The following NPC1L1 variants were observed in gnomAD, a reference collection of about 807,000 sequenced individuals.
NPC1L1 encodes NPC1-like intracellular cholesterol transporter 1.
Under a neutral mutation model 117.0 loss-of-function variants are expected in NPC1L1, and 98 were observed. That is an observed-to-expected ratio of 0.84 (90% confidence interval 0.71 to 0.99). The LOEUF (loss-of-function observed/expected upper bound fraction) is 0.99, where lower values mean the gene tolerates loss of function less well. NPC1L1 is among the 50% of genes least tolerant of loss of function. The pLI, the probability that NPC1L1 is intolerant of heterozygous loss-of-function variation, is 0.00. For synonymous variants in NPC1L1, 729 were observed against 727.6 expected, an observed-to-expected ratio of 1.00 and a Z score of -0.03; for missense variants, 1,540 against 1,710.0, an observed-to-expected ratio of 0.90 and a Z score of 1.75.
chr7:44,513,966 C>T (rs781657700), intron 18 of NPC1L1, among the ~76,000 whole-genome samples: 1 of 152,184 alleles, frequency 6.6e-6, no homozygotes, highest in Non-Finnish European at 1.5e-5. Context: ...CCCCAGCGCA[C>T]ACACTCTACT....
At chr7:44,519,174 G>A (rs992645265) in intron 14 of NPC1L1, among the ~76,000 whole-genome samples, 1 of 152,028 alleles carries the variant, frequency 6.6e-6, no homozygotes, top group Non-Finnish European at 1.5e-5. Context: ...GATTATAGGC[G>A]TGAGCTGCAG....
intron 11 of NPC1L1, 75 bp from the exon 12 acceptor site, chr7:44,521,911 C>G: frequency 1.2e-6 from 2 of 1,608,606 alleles, no homozygotes; most frequent in Non-Finnish European, 1.7e-6. Context: ...GCCCAACCCC[C>G]ACGCAGCCCT....
chr7:44,541,268 T>C lies in NPC1L1; in HGVS notation c.-9A>G. The C allele has an allele frequency of 6.5e-7, 1 of 1,549,668 alleles. No homozygotes were observed. Among genetic ancestry groups the C allele is most frequent in the South Asian group, 1.2e-5 (1 of 84,008 alleles). On this transcript the variant is annotated 5_prime_UTR_variant, in exon 1 of 19. Transcript: ENST00000381160. ...AGGCCGGCCTCCGCCATCCCAGGTC[T>C]GGGAAGGGGTCAGCGGGGAGCCAGG...
rs1161485339 is a variant in NPC1L1 at position 44,522,262 on chromosome 7, A to C, written c.2638-20T>G. 2 of 1,607,956 alleles carry C rather than the reference A, an allele frequency of 1.2e-6. No homozygotes were observed. Among genetic ancestry groups the C allele is most frequent in the Non-Finnish European group, 1.7e-6 (2 of 1,177,712 alleles). ...CGAGTCCTAGGAGTGGAGGAGGGTC[A>C]GTGAGCTTTGGTTCGCTATGCACAC... is the stretch of plus-strand genomic sequence containing the variant. On this transcript the variant is annotated intron_variant, in intron 10 of 18. Transcript: ENST00000381160.
intron 14 of NPC1L1, chr7:44,518,489 C>T (rs556170359): frequency 2.1e-5 from 5 of 233,066 alleles, no homozygotes; most frequent in East Asian, 1.1e-4. Flanking sequence ...TGTTTCTTGG[C>T]GACACTCTGC....
In NPC1L1 at chr7:44,541,247, C is replaced by G. The variant is rs759412002; in HGVS notation, c.13G>C (p.Gly5Arg). ...GCCCACAGCAGCCAGCCCCTCAGGC[C>G]GGCCTCCGCCATCCCAGGTCTGGGA... The part of the protein sequence containing the change: MAEA[G>R]LRGWLLWALL... The change falls in exon 1 of 19, where the codon GGC becomes CGC. Residue 5 changes from glycine to arginine, a missense_variant. Around this residue, in one of 3 missense-constraint regions of NPC1L1, gnomAD observed 793 missense variants for 820.4 expected, o/e 0.97. Coordinates refer to ENST00000381160, the MANE Select transcript of NPC1L1 (RefSeq NM_001101648.2). 2 of 1,549,802 alleles carry G rather than the reference C, an allele frequency of 1.3e-6. No homozygotes were observed. The highest frequency in any genetic ancestry group is 2.4e-5 in the South Asian group (2 of 84,020).
Position 44,541,328 on chromosome 7 carries a change from A to G in NPC1L1, c.-69T>C. ...AGGAACAGCCAAGGGCTGAACACAC[A>G]TTAAGGCAGCCTCCTCCCCTTCGAT... is the stretch of plus-strand genomic sequence containing the variant. On this transcript the variant is annotated 5_prime_UTR_variant, in exon 1 of 19. An upstream start codon of the reference 5' UTR is lost. Coordinates refer to ENST00000381160, the MANE Select transcript of NPC1L1 (RefSeq NM_001101648.2). The G allele has an allele frequency of 6.9e-7, 1 of 1,444,584 alleles. No individual in the cohort carries two copies. Among genetic ancestry groups the G allele is most frequent in the Non-Finnish European group, 9.4e-7 (1 of 1,058,696 alleles). 89.5% of individuals were successfully genotyped at this position (1,444,584 alleles called of 1,614,324 possible).
chr7:44,519,538 G>C lies in NPC1L1; in HGVS notation c.3136+1227C>G, dbSNP rs530930871. Among the ~76,000 whole-genome samples, 136 of 152,238 alleles carry C rather than the reference G, an allele frequency of 8.9e-4. 1 individual carries two copies. In the Middle Eastern group the frequency reaches 0.01, roughly 11 times the overall value. The stretch of plus-strand genomic sequence containing the variant: ...CTGGAAGGGTGGGGTGAGCGAACTT[G>C]AGGCAGCTTTCAGCCAGCAGTTCAA... On this transcript the variant is annotated intron_variant, in intron 14 of 18. Coordinates refer to ENST00000381160, the MANE Select transcript of NPC1L1 (RefSeq NM_001101648.2).
In NPC1L1 at chr7:44,539,211, A is replaced by G. The variant is rs1179441716; in HGVS notation, c.1186T>C (p.Phe396Leu). 6.2e-7 allele frequency: 1 copy of G among 1,614,076 alleles called. No homozygotes were observed. The highest frequency in any genetic ancestry group is 1.7e-5 in the Admixed American group (1 of 60,016). ...PNSQARSEKA[F>L]HDQHFGPFFR... is the part of the protein sequence containing the mutation. ...AAGGGGCCGAAATGCTGGTCATGGA[A>G]AGCTTTCTCACTCCGGGCTTGGCTG... The change falls in exon 2 of 19, where the codon TTC becomes CTC. Residue 396 changes from phenylalanine to leucine, a missense_variant. Physicochemically the swap from Phe to Leu is conservative, Grantham distance 22. Around this residue, in one of 3 missense-constraint regions of NPC1L1, gnomAD observed 793 missense variants for 820.4 expected, o/e 0.97. Coordinates refer to ENST00000381160, the MANE Select transcript of NPC1L1 (RefSeq NM_001101648.2). This position sits in a 1 kb window ranked among gnomAD's most constrained non-coding sequence, Gnocchi z 4.4.
chr7:44,533,320 G>T, intron 8 of NPC1L1, 111 bp downstream of exon 8: 1 of 1,319,438 alleles, frequency 7.6e-7, no homozygotes, highest in Admixed American at 1.8e-5. Context: ...CAATGCCCCT[G>T]TCCCCCACCC....
chr7:44,518,024 G>T (rs1458407730), intron 14 of NPC1L1, among the ~76,000 whole-genome samples: 2 of 151,566 alleles, frequency 1.3e-5, no homozygotes, highest in Admixed American at 6.6e-5. Flanking sequence ...GCTGAGGCAG[G>T]AGAATTCTTG....
rs761605724 is a variant in NPC1L1 at position 44,513,427 on chromosome 7, A to G, written c.*20T>C. ...CCTTTGGTTCAGGGCCATAGAGCCT[A>G]GACAGGGCCTCTGGCTGTATCAGAA... On this transcript the variant is annotated 3_prime_UTR_variant, in exon 19 of 19. Transcript: ENST00000381160. The G allele has an allele frequency of 6.2e-7, 1 of 1,611,596 alleles. No individual in the cohort carries two copies. The highest frequency in any genetic ancestry group is 1.7e-5 in the Admixed American group (1 of 60,032).
chr7:44,517,418 C>T (rs1801226218), intron 14 of NPC1L1, 61 bp from the exon 15 acceptor site: 31 of 1,590,600 alleles, frequency 1.9e-5, no homozygotes, highest in South Asian at 1.9e-4. Context: ...TCCAGGACAA[C>T]TTCAGAACAC....
chr7:44,515,809 A>C lies in NPC1L1; in HGVS notation c.3790T>G (p.Tyr1264Asp). 1 of 1,614,116 alleles carries C rather than the reference A, an allele frequency of 6.2e-7. No individual in the cohort carries two copies. Among genetic ancestry groups the C allele is most frequent in the Non-Finnish European group, 8.5e-7 (1 of 1,179,992 alleles). Residue 1264 changes from tyrosine to aspartate, a missense_variant, in exon 18 of 19, where the codon TAC becomes GAC. Tyr to Asp is a radical substitution (Grantham distance 160, BLOSUM62 -3). This residue lies in a region of NPC1L1 where 742 missense variants were observed against 873.6 expected (regional missense o/e 0.85). Coordinates refer to ENST00000381160, the MANE Select transcript of NPC1L1 (RefSeq NM_001101648.2). ...GLVFLPVILS[Y>D]VGPDVNPALA... Reference sequence around the variant, plus strand: ...AACAGGCCTGGGCACTCACCCACGTAGCTGAGGATGACGGGCAGGAAGACC... The same window carrying C: ...AACAGGCCTGGGCACTCACCCACGTCGCTGAGGATGACGGGCAGGAAGACC...
At chr7:44,524,366 A>G (rs1801444845) in intron 10 of NPC1L1, among the ~76,000 whole-genome samples, 1 of 152,212 alleles carries the variant, frequency 6.6e-6, no homozygotes, top group African/African-American at 2.4e-5. Context: ...CACCAAGAAA[A>G]AGAAAAACAT....
intron 13 of NPC1L1, 47 bp downstream of exon 13, chr7:44,520,945 T>G (rs1416873572): frequency 2.5e-6 from 4 of 1,614,000 alleles, no homozygotes; most frequent in Non-Finnish European, 3.4e-6. Flanking sequence ...CCCCATCCTG[T>G]GTCCCACATG....
At chr7:44,533,152 G>A (rs765579871) in intron 8 of NPC1L1, 8 of 360,336 alleles carry the variant, frequency 2.2e-5, no homozygotes, top group African/African-American at 4.2e-5. Flanking sequence ...TTAGACAGTC[G>A]GTGCCCTAAT....
chr7:44,520,125 C>T (rs1015088100), intron 14 of NPC1L1, among the ~76,000 whole-genome samples: 11 of 152,100 alleles, frequency 7.2e-5, no homozygotes, highest in Admixed American at 2.0e-4. Flanking sequence ...GCTGAAAATA[C>T]AAAAATTACC....
rs139659653 is a variant in NPC1L1, at chr7:44,539,148, G to A, written c.1249C>T (p.Arg417Trp). 1.2e-3 allele frequency: 1,975 copies of A among 1,614,140 alleles called. 3 individuals carry two copies. Among genetic ancestry groups the A allele is most frequent in the Middle Eastern group, 1.8e-3 (11 of 6,062 alleles). Residue 417 changes from arginine (R) to tryptophan (W), a missense_variant, in exon 2 of 19, where the codon CGG becomes TGG. Around this residue, in one of 3 missense-constraint regions of NPC1L1, gnomAD observed 793 missense variants for 820.4 expected, o/e 0.97. Coordinates refer to ENST00000381160, the MANE Select transcript of NPC1L1 (RefSeq NM_001101648.2). This position sits in a 1 kb window ranked among gnomAD's most constrained non-coding sequence, Gnocchi z 4.4. Reference sequence around the variant, plus strand: ...AGAGAGTCATACCTGTAGCTGGACCGGTTAGGAGCCGTCAGGATCACCTGG... The same window carrying A: ...AGAGAGTCATACCTGTAGCTGGACCAGTTAGGAGCCGTCAGGATCACCTGG... ...TNQVILTAPN[R>W]SSYRYDSLLL...
Sources: gnomAD v4.1 joint callset for allele counts (sites outside exome capture counted in the v4.1 genomes callset) on GRCh38, gnomAD v4.1.1 for gene constraint, gnomAD v4.1.1 regional missense constraint, Gnocchi (gnomAD v3.1) non-coding constraint, MANE v1.5 for transcripts, NCBI Gene and HGNC (gene_info 2026-07-23, HGNC 2026-07-21) for gene names.